NTRK3: variants seen among roughly 807,000 people sequenced by gnomAD.
NTRK3 encodes NT-3 growth factor receptor.
A neutral mutation model predicts 91.7 loss-of-function variants in NTRK3; 24 were observed. The observed-to-expected ratio is 0.26, with a 90% CI of 0.19 to 0.37. The LOEUF (loss-of-function observed/expected upper bound fraction) is 0.37. Among genes scored for constraint, NTRK3 ranks in the 10% least tolerant of loss-of-function variants. The pLI is 1.00. For synonymous variants in NTRK3, 483 were observed against 404.0 expected (o/e 1.20, Z -2.34); for missense variants, 880 against 1,068.9 (o/e 0.82, Z 2.46).
At chr15:87,877,993 C>A (rs2065031016) in intron 18 of NTRK3, among the ~76,000 whole-genome samples, 1 of 152,082 alleles carries the variant, frequency 6.6e-6, no homozygotes, top group Non-Finnish European at 1.5e-5. Flanking sequence ...CCACTTGAGA[C>A]CCAAGTGTAT....
At chr15:88,015,337 G>A (rs567051854) in intron 14 of NTRK3, among the ~76,000 whole-genome samples, 2 of 152,158 alleles carry the variant, frequency 1.3e-5, no homozygotes, top group Admixed American at 1.3e-4. Flanking sequence ...AACAAGACCT[G>A]CTCCCTCCAC....
intron 17 of NTRK3, among the ~76,000 whole-genome samples, chr15:87,894,697 C>T (rs1054679762): frequency 6.6e-6 from 1 of 152,136 alleles, no homozygotes; most frequent in African/African-American, 2.4e-5. Context: ...TCTCACTGCC[C>T]CCCTTCTCCA....
chr15:87,984,076 G>C (rs899529378), intron 14 of NTRK3, among the ~76,000 whole-genome samples: 1 of 152,210 alleles, frequency 6.6e-6, no homozygotes, highest in Non-Finnish European at 1.5e-5. Flanking sequence ...TCAGCCTAGA[G>C]AGGATGAAAA....
intron 17 of NTRK3, chr15:87,916,679 G>T (rs1016479003): frequency 7.9e-5 from 52 of 662,184 alleles, no homozygotes; most frequent in Non-Finnish European, 1.3e-4. Context: ...GGATTAGGGG[G>T]CTAAATATTT....
At chr15:87,934,131 C>A (rs572288058) in intron 15 of NTRK3, among the ~76,000 whole-genome samples, 21 of 152,154 alleles carry the variant, frequency 1.4e-4, no homozygotes, top group African/African-American at 3.9e-4. Flanking sequence ...CTGCCATGGG[C>A]CCAGCAATGC....
chr15:88,135,229 G>A, exon 10 of NTRK3: 1 of 1,614,234 alleles, frequency 6.2e-7, no homozygotes, highest in Non-Finnish European at 8.5e-7. Context: ...GCAGCCCTCG[G>A]AAATCTCTCC....
Position 88,183,355 on chromosome 15 carries a change from G to A in NTRK3, c.395+63C>T, listed in dbSNP as rs55725904. On this transcript the variant is annotated intron_variant, in intron 5 of 18. Coordinates refer to ENST00000394480, the Ensembl canonical transcript of NTRK3. Reference sequence around the variant, plus strand: ...AGCCAGGTCTAGACCTCAGGTCTCCGGTTTCACTGCCCCAAGAGTACCTGC... The same window carrying A: ...AGCCAGGTCTAGACCTCAGGTCTCCAGTTTCACTGCCCCAAGAGTACCTGC... 285,846 of 1,557,630 alleles carry A rather than the reference G, an allele frequency of 0.18. 27,543 individuals are homozygous for A. The highest frequency in any genetic ancestry group is 0.26 in the South Asian group (23,605 of 89,936).
chr15:87,963,426 G>A (rs181756654), intron 14 of NTRK3, among the ~76,000 whole-genome samples: 1 of 152,344 alleles, frequency 6.6e-6, no homozygotes, highest in East Asian at 1.9e-4. Flanking sequence ...TATTAAGACT[G>A]TGGGGAATCT....
intron 3 of NTRK3, among the ~76,000 whole-genome samples, chr15:88,190,992 G>C (rs2047339667): frequency 6.6e-6 from 1 of 152,196 alleles, no homozygotes; most frequent in African/African-American, 2.4e-5. Flanking sequence ...ATTTGCCCTT[G>C]TTTTCATATG....
At position 88,256,006 on chromosome 15, in the gene NTRK3, C is replaced by T. The variant is rs907290552; in HGVS notation, c.148G>A (p.Asp50Asn). 5.6e-6 allele frequency: 9 copies of T among 1,613,488 alleles called. No homozygotes were observed. In the East Asian group the frequency reaches 1.6e-4, roughly 28 times the overall value. The change falls in exon 3 of 19, where the codon GAT becomes AAT. Residue 50 changes from aspartate (D) to asparagine (N), a missense_variant. Transcript: ENST00000394480. ...TCCAGGAGGGGGAAGAGGTTCCCAT[C>T]GTCCGGCCGCCGGCAATTGATCTCA... is the stretch of plus-strand genomic sequence containing the variant.
intron 14 of NTRK3, among the ~76,000 whole-genome samples, chr15:87,944,394 G>A (rs111371234): frequency 1.6e-4 from 24 of 152,354 alleles, no homozygotes; most frequent in African/African-American, 5.3e-4. Context: ...TGCACGCTAT[G>A]TATTCAACAC....
intron 3 of NTRK3, among the ~76,000 whole-genome samples, chr15:88,244,141 G>A (rs2052619613): frequency 6.6e-6 from 1 of 152,150 alleles, no homozygotes; most frequent in South Asian, 2.1e-4. Context: ...GGGGTAAAAT[G>A]ACCCCAGCAG....
chr15:87,893,914 A>G (rs926148293), intron 17 of NTRK3, among the ~76,000 whole-genome samples: 2 of 152,246 alleles, frequency 1.3e-5, no homozygotes, highest in African/African-American at 4.8e-5. Context: ...GTCATGAAGT[A>G]CATGAGAAAG....
chr15:88,236,606 C>A (rs191236042), intron 3 of NTRK3, among the ~76,000 whole-genome samples: 1 of 136,588 alleles, frequency 7.3e-6, no homozygotes, highest in Non-Finnish European at 1.6e-5. Flanking sequence ...CAAAGACATA[C>A]AGAGGGATAT....
chr15:88,088,763 CATAGTTCCT>C (rs2048738669), intron 13 of NTRK3, among the ~76,000 whole-genome samples: 1 of 152,056 alleles, frequency 6.6e-6, no homozygotes, highest in Admixed American at 6.5e-5. Flanking sequence ...GACTAGTGGG[CATAGTTCCT>C]ATCTTGGAAG....
rs969536302 is a variant in NTRK3 at position 88,235,380 on chromosome 15, G to A, written c.248+20526C>T. 2.6e-5 allele frequency among the ~76,000 whole-genome samples: 4 copies of A among 152,196 alleles called. No homozygotes were observed. Among genetic ancestry groups the A allele is most frequent in the South Asian group, 2.1e-4 (1 of 4,834 alleles). ...AGTCAGTACCCTGCCGCAGACAGTGGACACTCACTGGTCTCGGCCTTCCCG... is the reference window on the plus strand; with the variant it reads ...AGTCAGTACCCTGCCGCAGACAGTGAACACTCACTGGTCTCGGCCTTCCCG... On this transcript the variant is annotated intron_variant, in intron 3 of 18. Transcript: ENST00000394480. This position sits in a 1 kb window ranked among gnomAD's most constrained non-coding sequence, Gnocchi z 5.2.
rs546426782 is a variant in NTRK3 at position 88,147,341 on chromosome 15, C to T, written c.458G>A (p.Arg153Gln). 12 of 1,613,430 alleles carry T rather than the reference C, an allele frequency of 7.4e-6. No individual in the cohort carries two copies. In the African/African-American group the frequency reaches 8.0e-5, roughly 11 times the overall value. Reference sequence around the variant, plus strand: ...TCTTCAAAACCAAACTTACAATTCCCGAAGACTCAGCGTCTGGAAGAGCTG... The same window carrying T: ...TCTTCAAAACCAAACTTACAATTCCTGAAGACTCAGCGTCTGGAAGAGCTG... Residue 153 changes from arginine (R) to glutamine (Q), a missense_variant, in exon 6 of 19, where the codon CGG becomes CAG. By Grantham distance (43) the Arg-to-Gln change is conservative. Coordinates refer to ENST00000394480, the Ensembl canonical transcript of NTRK3.
chr15:87,914,352 A>G (rs1474237726), intron 17 of NTRK3, among the ~76,000 whole-genome samples: 1 of 152,180 alleles, frequency 6.6e-6, no homozygotes, highest in African/African-American at 2.4e-5. Flanking sequence ...GGCCATTGGC[A>G]GGGAATCAGA....
chr15:87,995,818 A>G (rs2075651325), intron 14 of NTRK3, among the ~76,000 whole-genome samples: 2 of 152,264 alleles, frequency 1.3e-5, no homozygotes, highest in Admixed American at 1.3e-4. Context: ...GAAGGCAGCC[A>G]TAGACAATGT....
Sources: gnomAD v4.1 joint callset for allele counts (sites outside exome capture counted in the v4.1 genomes callset) on GRCh38, gnomAD v4.1.1 for gene constraint, Gnocchi (gnomAD v3.1) non-coding constraint, MANE v1.5 for transcripts, NCBI Gene and HGNC (gene_info 2026-07-23, HGNC 2026-07-21) for gene names.